EFTUD2: variants seen among roughly 807,000 people sequenced by gnomAD.
EFTUD2 encodes the protein elongation factor Tu GTP binding domain containing 2.
A neutral mutation model predicts 114.3 loss-of-function variants in EFTUD2; 9 were observed. The ratio of observed to expected loss-of-function variants is 0.08; its 90% confidence interval spans 0.05 to 0.14. The LOEUF (loss-of-function observed/expected upper bound fraction) is 0.14, where lower values mean the gene tolerates loss of function less well. EFTUD2 is among the 10% of genes least tolerant of loss of function. The probability of loss-of-function intolerance (pLI) is 1.00; values close to 1 mark genes in which losing one functional copy is unlikely to be tolerated. For synonymous variants in EFTUD2, 449 were observed against 462.3 expected (o/e 0.97, Z 0.37); for missense variants, 765 against 1,241.2 (o/e 0.62, Z 5.76).
chr17:44,871,151 G>A (rs1451351434), intron 11 of EFTUD2, among the ~76,000 whole-genome samples: 2 of 151,596 alleles, frequency 1.3e-5, no homozygotes, highest in Non-Finnish European at 2.9e-5. Context: ...TGATCCTCCC[G>A]AGCTCAGACT....
intron 20 of EFTUD2, 126 bp from the exon 21 acceptor site, chr17:44,855,130 TG>T (rs1353488502): frequency 6.1e-6 from 5 of 826,194 alleles, no homozygotes; most frequent in Non-Finnish European, 1.0e-5. Flanking sequence ...GGGCCAAGCG[TG>T]GTGGTTCAGA....
Position 44,850,406 on chromosome 17 carries a change from A to C in EFTUD2, c.*868T>G. 6.2e-7 allele frequency: 1 copy of C among 1,607,970 alleles called. No homozygotes were observed. ...TGCTGGAGAGAAGTAGGACTCCTAT[A>C]GGAGCCGGGGCTGTCCAACTCCCCT... On this transcript the variant is annotated 3_prime_UTR_variant, in exon 28 of 28. Coordinates refer to ENST00000426333, the MANE Select transcript of EFTUD2 (RefSeq NM_004247.4).
At chr17:44,851,616 C>T in intron 27 of EFTUD2, 94 bp downstream of exon 27, 1 of 1,275,606 alleles carries the variant, frequency 7.8e-7, no homozygotes, top group Non-Finnish European at 1.1e-6. Flanking sequence ...GAAAAGTGTC[C>T]CTTAGGAAAA....
At chr17:44,857,242 C>A in intron 19 of EFTUD2, 85 bp from the exon 20 acceptor site, 1 of 1,128,578 alleles carries the variant, frequency 8.9e-7, no homozygotes, top group Non-Finnish European at 1.3e-6. Context: ...CAGAAGCTCC[C>A]TTGACACTAC....
chr17:44,852,259 C>T (rs1167252797), intron 26 of EFTUD2, 150 bp downstream of exon 26: 9 of 891,520 alleles, frequency 1.0e-5, no homozygotes, highest in Non-Finnish European at 1.5e-5. Context: ...GACACAGATT[C>T]AAGTTGCCCT....
At position 44,854,705 on chromosome 17, in the gene EFTUD2, G is replaced by A; in HGVS notation, c.2133-23C>T. 6.2e-7 allele frequency: 1 copy of A among 1,607,124 alleles called. No homozygotes were observed. On this transcript the variant is annotated intron_variant, in intron 21 of 27. Coordinates refer to ENST00000426333, the MANE Select transcript of EFTUD2 (RefSeq NM_004247.4). The surrounding 1 kb of genome is among the most constrained non-coding windows in gnomAD (Gnocchi z 4.3). ...TTCCTGGGGAAGGGAGGAGACAATGGAGCTGTCAGCCAGCTCTGTGATTGC... is the reference window on the plus strand; with the variant it reads ...TTCCTGGGGAAGGGAGGAGACAATGAAGCTGTCAGCCAGCTCTGTGATTGC...
chr17:44,890,653 T>C (rs773267321), intron 2 of EFTUD2, among the ~76,000 whole-genome samples: 7 of 151,826 alleles, frequency 4.6e-5, no homozygotes, highest in Admixed American at 3.9e-4. Flanking sequence ...GATCATGCCA[T>C]TGCACTCCAG....
intron 10 of EFTUD2, among the ~76,000 whole-genome samples, chr17:44,874,770 C>T (rs1391183878): frequency 6.6e-6 from 1 of 152,166 alleles, no homozygotes; most frequent in East Asian, 1.9e-4. Flanking sequence ...CAGGTATATC[C>T]ACAGAAACAC....
intron 9 of EFTUD2, among the ~76,000 whole-genome samples, chr17:44,878,511 A>G (rs913375983): frequency 6.6e-5 from 10 of 152,252 alleles, no homozygotes; most frequent in African/African-American, 2.4e-4. Context: ...ATAAAACTGA[A>G]TAAGGTCTGC....
Position 44,865,044 on chromosome 17 carries a change from T to C in EFTUD2, c.1171A>G (p.Ser391Gly). ...AGCTCGTCTAGGGTCCGTGGGAGGC[T>C]GGTGTCCACGTCACCTACAACCTGT... Reference protein sequence around the residue: ...LAQVVGDVDTSLPRTLDELGI... With the variant: ...LAQVVGDVDTGLPRTLDELGI... Residue 391 changes from serine to glycine, a missense_variant, in exon 14 of 28, where the codon AGC becomes GGC. Around this residue, in one of 6 missense-constraint regions of EFTUD2, gnomAD observed 251 missense variants for 357.7 expected, o/e 0.70. Transcript: ENST00000426333. 6.2e-7 allele frequency: 1 copy of C among 1,614,180 alleles called. No individual in the cohort carries two copies. The highest frequency in any genetic ancestry group is 8.5e-7 in the Non-Finnish European group (1 of 1,180,026).
intron 10 of EFTUD2, chr17:44,875,729 A>C (rs537661237): frequency 2.1e-6 from 1 of 470,442 alleles, no homozygotes; most frequent in East Asian, 3.3e-5. Context: ...AAATTAATAC[A>C]GCCCAAGTAC....
At position 44,850,690 on chromosome 17, in the gene EFTUD2, C is replaced by A; in HGVS notation, c.*584G>T. 3.3e-6 allele frequency: 1 copy of A among 304,160 alleles called. No homozygotes were observed. Among genetic ancestry groups the A allele is most frequent in the Non-Finnish European group, 6.3e-6 (1 of 159,014 alleles). The allele number at this position is 304,160 out of a possible 1,614,324, so 18.8% of individuals were successfully genotyped here. On this transcript the variant is annotated 3_prime_UTR_variant, in exon 28 of 28. Coordinates refer to ENST00000426333, the MANE Select transcript of EFTUD2 (RefSeq NM_004247.4). ...AACTCCCAAGCCATCTTAGGTTCCA[C>A]CCAGAAGCAGCATGGAGTGGGAGCA... is the stretch of plus-strand genomic sequence containing the variant.
Position 44,883,170 on chromosome 17 carries a change from G to C in EFTUD2, c.427-12C>G, listed in dbSNP as rs1282922180. ...TCCACAAAACATGTCTAAAAGGGAA[G>C]AAACAGTTAACATCTGCCGACCACA... On this transcript the variant is annotated splice_polypyrimidine_tract_variant and intron_variant, in intron 5 of 27. Transcript: ENST00000426333. 1.2e-6 allele frequency: 2 copies of C among 1,613,946 alleles called. No individual in the cohort carries two copies. The highest frequency in any genetic ancestry group is 1.7e-6 in the Non-Finnish European group (2 of 1,179,920).
Position 44,851,837 on chromosome 17 carries a change from C to T in EFTUD2, c.2716-20G>A. 6.3e-7 allele frequency: 1 copy of T among 1,591,246 alleles called. No individual in the cohort carries two copies. On this transcript the variant is annotated intron_variant, in intron 26 of 27. Coordinates refer to ENST00000426333, the MANE Select transcript of EFTUD2 (RefSeq NM_004247.4). ...CACAATCTAAAAGGCAAAGGAATTT[C>T]AGATGGCCCAGGCAGAATTCCCAGA...
Position 44,863,049 on chromosome 17 carries a change from C to T in EFTUD2, c.1414-143G>A, listed in dbSNP as rs143513316. On this transcript the variant is annotated intron_variant, in intron 15 of 27. Coordinates refer to ENST00000426333, the MANE Select transcript of EFTUD2 (RefSeq NM_004247.4). ...GGTAGTCTCATCTCCAAACCATGTT[C>T]TACCCCATCCCTCTGAGAAGGATGA... 3.3e-4 allele frequency: 202 copies of T among 614,856 alleles called. 2 individuals are homozygous for T. In the East Asian group the frequency reaches 5.7e-3, roughly 17 times the overall value. 38.1% of individuals were successfully genotyped at this position (614,856 alleles called of 1,614,324 possible).
chr17:44,871,530 G>A (rs573721962), intron 11 of EFTUD2, among the ~76,000 whole-genome samples: 74 of 151,646 alleles, frequency 4.9e-4, no homozygotes, highest in Admixed American at 1.7e-3. Context: ...TAGTAGAGAC[G>A]GGATTTCACC....
intron 18 of EFTUD2, chr17:44,859,655 A>ACT: frequency 1.7e-6 from 1 of 595,980 alleles, no homozygotes; most frequent in East Asian, 2.8e-5. Context: ...ACACACACAC[A>ACT]CACACAACCT....
chr17:44,852,526 G>A lies in EFTUD2; in HGVS notation c.2598C>T (p.Ser866=). 1 of 1,614,116 alleles carries A rather than the reference G, an allele frequency of 6.2e-7. No individual in the cohort carries two copies. The highest frequency in any genetic ancestry group is 8.5e-7 in the Non-Finnish European group (1 of 1,180,014). Residue 866 remains serine, a synonymous_variant, in exon 26 of 28, where the codon TCC becomes TCT. Coordinates refer to ENST00000426333, the MANE Select transcript of EFTUD2 (RefSeq NM_004247.4). ...TAAAAGCTTTGATGGTGTACAGAGG[G>A]GAGCCTGGGATGGGTGCATCCTGAG... ...HVTQDAPIPG[S]PLYTIKAFIP...
At position 44,850,725 on chromosome 17, in the gene EFTUD2, T is replaced by C; in HGVS notation, c.*549A>G. On this transcript the variant is annotated 3_prime_UTR_variant, in exon 28 of 28. Coordinates refer to ENST00000426333, the MANE Select transcript of EFTUD2 (RefSeq NM_004247.4). ...GCATGGAGTGGGAGCAAGGGGGCAA[T>C]AATGGGGCCTTGGCGCTCATGGGAA... 7.7e-6 allele frequency: 2 copies of C among 260,236 alleles called. No homozygotes were observed. The highest frequency in any genetic ancestry group is 1.5e-5 in the Non-Finnish European group (2 of 133,068). The allele number at this position is 260,236 out of a possible 1,614,324, so 16.1% of individuals were successfully genotyped here. A position where few individuals can be genotyped will look rare whatever the true frequency, so the allele number is the denominator to read the frequency against.
Sources: allele counts gnomAD v4.1 joint callset (sites outside exome capture counted in the v4.1 genomes callset), GRCh38; gene constraint gnomAD v4.1.1; regional missense constraint gnomAD v4.1.1; non-coding constraint Gnocchi (gnomAD v3.1); transcripts MANE v1.5; gene names NCBI Gene and HGNC (gene_info 2026-07-23, HGNC 2026-07-21).